Variants in NOL4 observed in about 807,000 individuals in gnomAD.
NOL4 encodes the protein nucleolar protein 4.
Under a neutral mutation model 75.9 loss-of-function variants are expected in NOL4, and 17 were observed. The observed-to-expected ratio is 0.22, with a 90% CI of 0.15 to 0.34. NOL4 has a LOEUF of 0.34. Ranked by LOEUF, NOL4 falls within the 10% of genes least tolerant of loss-of-function variation. The pLI is 1.00. For missense variants in NOL4, 614 were observed against 793.5 expected (o/e 0.77, Z 2.72); for synonymous variants, 292 against 289.9 (o/e 1.01, Z -0.07).
chr18:33,923,499 ATGT>A (rs142921754), intron 9 of NOL4, among the ~76,000 whole-genome samples: 1 of 152,174 alleles, frequency 6.6e-6, no homozygotes, highest in East Asian at 1.9e-4. Flanking sequence ...ATATATCTTA[ATGT>A]TGTCATTAAA....
chr18:34,073,473 T>C (rs1401857746), intron 5 of NOL4, among the ~76,000 whole-genome samples: 1 of 152,064 alleles, frequency 6.6e-6, no homozygotes, highest in Non-Finnish European at 1.5e-5. Context: ...CTTTAAATCA[T>C]CTCTAGCTTA....
chr18:34,063,498 T>A (rs187884561), intron 5 of NOL4, among the ~76,000 whole-genome samples: 1 of 152,176 alleles, frequency 6.6e-6, no homozygotes, highest in Admixed American at 6.5e-5. Context: ...AATTTTACAA[T>A]CTCTGACAAC....
intron 1 of NOL4, among the ~76,000 whole-genome samples, chr18:34,152,051 C>T (rs1404711963): frequency 6.6e-6 from 1 of 151,402 alleles, no homozygotes; most frequent in Non-Finnish European, 1.5e-5. Flanking sequence ...TCTTTGTATC[C>T]CTTTTTAGTG....
At chr18:33,987,774 C>T (rs145648847) in intron 6 of NOL4, among the ~76,000 whole-genome samples, 357 of 152,148 alleles carry the variant, frequency 2.3e-3, no homozygotes, top group African/African-American at 7.9e-3. Flanking sequence ...GGTTGATCTC[C>T]TATGGACTAG....
At chr18:34,006,459 C>T (rs1283283271) in intron 6 of NOL4, among the ~76,000 whole-genome samples, 1 of 152,000 alleles carries the variant, frequency 6.6e-6, no homozygotes, top group Non-Finnish European at 1.5e-5. Context: ...GCAGCAGACA[C>T]CAATACTGAG....
intron 1 of NOL4, among the ~76,000 whole-genome samples, chr18:34,153,523 A>ACTCTCAG (rs1158686180): frequency 6.6e-6 from 1 of 151,992 alleles, no homozygotes; most frequent in African/African-American, 2.4e-5. Context: ...CGAAGCTGAG[A>ACTCTCAG]CTCAAATAAA....
chr18:34,192,332 A>C (rs2034979795), intron 1 of NOL4, among the ~76,000 whole-genome samples: 1 of 152,174 alleles, frequency 6.6e-6, no homozygotes, highest in Non-Finnish European at 1.5e-5. Context: ...ATAAAATTCC[A>C]ATGACACTTT....
intron 1 of NOL4, among the ~76,000 whole-genome samples, chr18:34,193,386 A>G (rs966142968): frequency 6.6e-6 from 1 of 152,168 alleles, no homozygotes; most frequent in African/African-American, 2.4e-5. Context: ...TATCCAAAAT[A>G]TATAAGGAAC....
chr18:34,203,331 T>C (rs886994427), intron 1 of NOL4, among the ~76,000 whole-genome samples: 1 of 151,672 alleles, frequency 6.6e-6, no homozygotes, highest in Admixed American at 6.6e-5. Context: ...AGACTGAGGG[T>C]TCCTTGTGGT....
intron 6 of NOL4, 105 bp downstream of exon 6, chr18:34,019,213 T>C: frequency 1.1e-6 from 1 of 935,628 alleles, no homozygotes. Context: ...TGGATTTGTT[T>C]ATAATATTTT....
At chr18:33,973,602 G>T (rs2071250670) in intron 6 of NOL4, among the ~76,000 whole-genome samples, 1 of 152,174 alleles carries the variant, frequency 6.6e-6, no homozygotes, top group East Asian at 1.9e-4. Flanking sequence ...TATAAGACTT[G>T]AAAGTCAAAA....
intron 2 of NOL4, among the ~76,000 whole-genome samples, chr18:34,109,849 A>G (rs1458739177): frequency 6.6e-6 from 1 of 151,902 alleles, no homozygotes; most frequent in East Asian, 1.9e-4. Context: ...AGAGAAATAC[A>G]AAGAATCACA....
chr18:33,924,289 T>G (rs1309019960), intron 9 of NOL4, among the ~76,000 whole-genome samples: 1 of 152,234 alleles, frequency 6.6e-6, no homozygotes, highest in Non-Finnish European at 1.5e-5. Context: ...GCCAAAGAAC[T>G]AAATGCTGGG....
intron 10 of NOL4, among the ~76,000 whole-genome samples, chr18:33,878,407 A>G (rs747345590): frequency 4.6e-5 from 7 of 152,116 alleles, no homozygotes; most frequent in Non-Finnish European, 7.4e-5. Flanking sequence ...GTAAATTAAA[A>G]GGGCAAAGTG....
At chr18:34,077,910 T>C (rs1394144661) in intron 5 of NOL4, among the ~76,000 whole-genome samples, 2 of 152,064 alleles carry the variant, frequency 1.3e-5, no homozygotes, top group East Asian at 1.9e-4. Flanking sequence ...CTCATGTAGG[T>C]TGGAAAACAA....
rs58041083 is a variant in NOL4, at chr18:33,918,614, T to A, written c.1542+24451A>T. Among the ~76,000 whole-genome samples, 1,469 of 152,304 alleles carry A rather than the reference T, an allele frequency of 9.6e-3. 26 individuals carry two copies. Among genetic ancestry groups the A allele is most frequent in the African/African-American group, 0.033 (1,376 of 41,570 alleles). On this transcript the variant is annotated intron_variant, in intron 9 of 10. Coordinates refer to ENST00000261592, the MANE Select transcript of NOL4 (RefSeq NM_003787.5). Reference sequence around the variant, plus strand: ...AGGCAGTGTCTGTGCATTTGTGCCATTTGGAAGAAGTAAAACATCTAAAGA... The same window carrying A: ...AGGCAGTGTCTGTGCATTTGTGCCAATTGGAAGAAGTAAAACATCTAAAGA...
chr18:34,165,974 G>T (rs925063784), intron 1 of NOL4, among the ~76,000 whole-genome samples: 2 of 151,706 alleles, frequency 1.3e-5, no homozygotes, highest in African/African-American at 4.8e-5. Context: ...CTGTGTACTA[G>T]AAAAAAGCCA....
chr18:34,023,018 G>A, intron 5 of NOL4, among the ~76,000 whole-genome samples: 1 of 151,976 alleles, frequency 6.6e-6, no homozygotes, highest in Admixed American at 6.6e-5. Flanking sequence ...CACTCCAGAT[G>A]TTACCAAGGT....
intron 10 of NOL4, among the ~76,000 whole-genome samples, chr18:33,859,456 TG>T (rs2062987522): frequency 6.6e-6 from 1 of 152,210 alleles, no homozygotes; most frequent in Non-Finnish European, 1.5e-5. Context: ...AATGTTTTTC[TG>T]GTGTAACTTT....
Sources: allele counts gnomAD v4.1 joint callset (sites outside exome capture counted in the v4.1 genomes callset), GRCh38; gene constraint gnomAD v4.1.1; transcripts MANE v1.5; gene names NCBI Gene and HGNC (gene_info 2026-07-23, HGNC 2026-07-21).